OTULINL: variants seen among roughly 807,000 people sequenced by gnomAD.
OTULINL encodes OTU deubiquitinase with linear linkage specificity like, also known as inactive ubiquitin thioesterase OTULINL.
OTULINL carries 42 observed loss-of-function variants against 43.9 expected under a neutral mutation model. The observed-to-expected ratio is 0.96, with a 90% CI of 0.75 to 1.24. The LOEUF (loss-of-function observed/expected upper bound fraction) is 1.24, where lower values mean the gene tolerates loss of function less well. Ranked by LOEUF, OTULINL falls within the 50% of genes most tolerant of loss-of-function variation. The pLI, the probability that OTULINL is intolerant of heterozygous loss-of-function variation, is 0.00. For synonymous variants in OTULINL, 172 were observed against 153.6 expected (o/e 1.12, Z -0.88); for missense variants, 411 against 426.4 (o/e 0.96, Z 0.32).
intron 3 of OTULINL, 46 bp from the exon 4 acceptor site, chr5:14,601,305 A>G: frequency 1.2e-6 from 2 of 1,610,238 alleles, no homozygotes; most frequent in Non-Finnish European, 1.7e-6. Flanking sequence ...TCAAGAAGGG[A>G]GAAGAAAGGG....
rs1759642744 is a variant in OTULINL at position 14,614,715 on chromosome 5, A to G, written c.*4401A>G. 11 of 398,600 alleles carry G rather than the reference A, an allele frequency of 2.8e-5. No homozygotes were observed. The highest frequency in any genetic ancestry group is 4.4e-5 in the Non-Finnish European group (10 of 226,126). 24.7% of individuals were successfully genotyped at this position (398,600 alleles called of 1,614,324 possible). A position where few individuals can be genotyped will look rare whatever the true frequency, so the allele number is the denominator to read the frequency against. ...CATGGAATGTGTTGGAGGAGACTCA[A>G]GCTCCATGTGGGAACAGTGTGGCCC... On this transcript the variant is annotated 3_prime_UTR_variant, in exon 8 of 8. Transcript: ENST00000274217.
At chr5:14,589,436 T>C (rs1390238254) in intron 1 of OTULINL, among the ~76,000 whole-genome samples, 3 of 151,930 alleles carry the variant, frequency 2.0e-5, no homozygotes, top group Non-Finnish European at 4.4e-5. Context: ...ACTCCTCCTA[T>C]TGGAGCAAGG....
chr5:14,586,586 C>T (rs142049198), intron 1 of OTULINL, among the ~76,000 whole-genome samples: 174 of 152,284 alleles, frequency 1.1e-3, no homozygotes, highest in East Asian at 8.1e-3. Flanking sequence ...GTTACTATGA[C>T]ATCAAGTCTG....
intron 1 of OTULINL, among the ~76,000 whole-genome samples, chr5:14,591,049 T>C (rs561555578): frequency 6.6e-6 from 1 of 152,296 alleles, no homozygotes; most frequent in South Asian, 2.1e-4. Flanking sequence ...GATTAGTAAC[T>C]ATTAGTGATG....
In OTULINL at chr5:14,607,350, T is replaced by C. The variant is rs746763334; in HGVS notation, c.519T>C (p.Phe173=). 3 of 1,613,380 alleles carry C rather than the reference T, an allele frequency of 1.9e-6. No homozygotes were observed. The Admixed American group carries it at 5.0e-5, about 27-fold the overall frequency. Residue 173 remains phenylalanine (F), a synonymous_variant, in exon 6 of 8, where the codon TTT becomes TTC. Coordinates refer to ENST00000274217, the MANE Select transcript of OTULINL (RefSeq NM_019018.3). ...DIVKLPEKLL[F]SQGCNWIQQY... ...TCAAGCTTCCTGAAAAACTGCTGTT[T>C]TCACAAGGTTGTAATTGGATTCAGC...
chr5:14,596,890 G>C (rs1560963106), intron 1 of OTULINL, among the ~76,000 whole-genome samples: 1 of 152,096 alleles, frequency 6.6e-6, no homozygotes, highest in Admixed American at 6.5e-5. Context: ...TGTCATGGGG[G>C]CCCCATGCTG....
intron 4 of OTULINL, among the ~76,000 whole-genome samples, chr5:14,601,945 C>T (rs990759919): frequency 3.3e-5 from 5 of 152,160 alleles, no homozygotes; most frequent in Non-Finnish European, 7.3e-5. Context: ...GTGGTTAGGT[C>T]GCATCCCTTA....
intron 1 of OTULINL, among the ~76,000 whole-genome samples, chr5:14,597,655 C>G (rs574800000): frequency 9.2e-5 from 14 of 152,338 alleles, no homozygotes; most frequent in African/African-American, 3.1e-4. Context: ...CTCCTAATGT[C>G]ATCAGTGAAC....
At chr5:14,607,506 T>C in intron 6 of OTULINL, 48 bp downstream of exon 6, 1 of 1,605,044 alleles carries the variant, frequency 6.2e-7, no homozygotes, top group South Asian at 1.1e-5. Context: ...AAAGCACATA[T>C]CCCAGATAGA....
At chr5:14,595,607 A>AT (rs398093201) in intron 1 of OTULINL, among the ~76,000 whole-genome samples, 1 of 146,464 alleles carries the variant, frequency 6.8e-6, no homozygotes, top group African/African-American at 2.5e-5. Context: ...AAAAAAAAAA[A>AT]CACTAAGTAG....
chr5:14,600,776 A>G (rs940309598), intron 1 of OTULINL, among the ~76,000 whole-genome samples, 189 bp from the exon 2 acceptor site: 14 of 152,220 alleles, frequency 9.2e-5, no homozygotes, highest in Admixed American at 3.3e-4. Flanking sequence ...TGGGAGAACC[A>G]TAAAGAAATT....
intron 6 of OTULINL, among the ~76,000 whole-genome samples, chr5:14,607,868 C>T (rs1470425224): frequency 1.3e-5 from 2 of 152,164 alleles, no homozygotes; most frequent in African/African-American, 4.8e-5. Flanking sequence ...AATAATGACA[C>T]AGATTTTGGA....
Position 14,610,215 on chromosome 5 carries a change from A to G in OTULINL, c.972A>G (p.Arg324=). 1.2e-6 allele frequency: 2 copies of G among 1,614,100 alleles called. No individual in the cohort carries two copies. Among genetic ancestry groups the G allele is most frequent in the Non-Finnish European group, 1.7e-6 (2 of 1,179,986 alleles). Residue 324 remains arginine, a synonymous_variant, in exon 8 of 8, where the codon AGA becomes AGG. Transcript: ENST00000274217. ...KVFRLFKFNS[R]DFEVCYPEEP... is the part of the protein sequence containing the mutation. Reference sequence around the variant, plus strand: ...TCAGACTGTTCAAGTTTAACTCCAGAGACTTTGAAGTCTGCTACCCAGAGG... The same window carrying G: ...TCAGACTGTTCAAGTTTAACTCCAGGGACTTTGAAGTCTGCTACCCAGAGG...
chr5:14,600,852 T>C, intron 1 of OTULINL, 113 bp from the exon 2 acceptor site: 1 of 931,126 alleles, frequency 1.1e-6, no homozygotes, highest in Non-Finnish European at 1.5e-6. Flanking sequence ...AAATCAGTGA[T>C]AGATACTTTG....
rs1280786009 is a variant in OTULINL, at chr5:14,606,758, T to C, written c.499-572T>C. 2.0e-5 allele frequency among the ~76,000 whole-genome samples: 3 copies of C among 152,206 alleles called. No homozygotes were observed. The East Asian group carries it at 5.8e-4, about 29-fold the overall frequency. On this transcript the variant is annotated intron_variant, in intron 5 of 7. Coordinates refer to ENST00000274217, the MANE Select transcript of OTULINL (RefSeq NM_019018.3). ...TAAAAATAATTTCTAAAGGGCTACA[T>C]ATAGTAAGTTTGGTAACTATTTTAA...
rs547959121 is a variant in OTULINL at position 14,610,557 on chromosome 5, G to T, written c.*243G>T. 5.0e-6 allele frequency: 2 copies of T among 397,190 alleles called. No homozygotes were observed. Among genetic ancestry groups the T allele is most frequent in the South Asian group, 9.3e-5 (2 of 21,442 alleles). The allele number at this position is 397,190 out of a possible 1,614,324, so 24.6% of individuals were successfully genotyped here. On this transcript the variant is annotated 3_prime_UTR_variant, in exon 8 of 8. Transcript: ENST00000274217. ...TGGCTTGACTTTGTCCATAAGGGGC[G>T]TGGCCACTTCACATGATGGCGGGCC...
rs201855537 is a variant in OTULINL at position 14,609,621 on chromosome 5, A to ATTTT, written c.898-496_898-493dup. 3.6e-3 allele frequency among the ~76,000 whole-genome samples: 371 copies of ATTTT among 102,192 alleles called. 7 individuals are homozygous for ATTTT. The highest frequency in any genetic ancestry group is 0.013 in the African/African-American group (353 of 28,168). 67.0% of individuals were successfully genotyped at this position (102,192 alleles called of 152,430 possible). A position where few individuals can be genotyped will look rare whatever the true frequency, so the allele number is the denominator to read the frequency against. ...TTTTTTCAAGTAGCTTTTTCCTGTG[A>ATTTT]TTTTTTTTTTTTTTTTTTTTTTTTT... On this transcript the variant is annotated intron_variant, in intron 7 of 7. Coordinates refer to ENST00000274217, the MANE Select transcript of OTULINL (RefSeq NM_019018.3).
chr5:14,593,957 G>C (rs1289187306), intron 1 of OTULINL, among the ~76,000 whole-genome samples: 2 of 152,150 alleles, frequency 1.3e-5, no homozygotes, highest in Non-Finnish European at 2.9e-5. Context: ...CCCACTTGGT[G>C]GTTCTCTTTC....
chr5:14,588,027 T>C (rs1214781348), intron 1 of OTULINL, among the ~76,000 whole-genome samples: 1 of 152,102 alleles, frequency 6.6e-6, no homozygotes, highest in African/African-American at 2.4e-5. Flanking sequence ...GGTCGACAGG[T>C]TTAATAGATC....
Sources: gnomAD v4.1 joint callset for allele counts (sites outside exome capture counted in the v4.1 genomes callset) on GRCh38, gnomAD v4.1.1 for gene constraint, MANE v1.5 for transcripts, NCBI Gene and HGNC (gene_info 2026-07-23, HGNC 2026-07-21) for gene names.